FTO: variants seen among roughly 807,000 people sequenced by gnomAD.
FTO encodes alpha-ketoglutarate-dependent dioxygenase FTO.
A neutral mutation model predicts 63.9 loss-of-function variants in FTO; 47 were observed. The observed-to-expected ratio is 0.74, with a 90% CI of 0.58 to 0.94. The LOEUF (loss-of-function observed/expected upper bound fraction) is 0.94. Ranked by LOEUF, FTO falls within the 40% of genes least tolerant of loss-of-function variation. The pLI is 0.00. For missense variants in FTO, 562 were observed against 618.1 expected (o/e 0.91, Z 0.96); for synonymous variants, 207 against 224.4 (o/e 0.92, Z 0.69).
At chr16:53,864,112 G>A (rs112372930) in intron 4 of FTO, among the ~76,000 whole-genome samples, 4,624 of 152,196 alleles carry the variant, frequency 0.03, 255 homozygotes, top group African/African-American at 0.11. Flanking sequence ...TCAGCCATGG[G>A]TGGCCCACAT....
At chr16:53,767,783 T>G (rs2077246573) in intron 1 of FTO, among the ~76,000 whole-genome samples, 1 of 152,152 alleles carries the variant, frequency 6.6e-6, no homozygotes, top group African/African-American at 2.4e-5. Context: ...TTAATAACAA[T>G]CAAGGAATAT....
chr16:54,022,844 A>C (rs2084631744), intron 8 of FTO, among the ~76,000 whole-genome samples: 1 of 152,240 alleles, frequency 6.6e-6, no homozygotes, highest in African/African-American at 2.4e-5. Context: ...CAGTGTGTCC[A>C]ACATCAATCT....
chr16:53,760,813 G>C (rs558467446), intron 1 of FTO, among the ~76,000 whole-genome samples: 36 of 151,354 alleles, frequency 2.4e-4, no homozygotes, highest in Non-Finnish European at 4.4e-4. Flanking sequence ...TTTTAGTAGA[G>C]ACAGGGTTTC....
chr16:53,810,044 TA>T, intron 1 of FTO, 95 bp from the exon 2 acceptor site: 1 of 777,220 alleles, frequency 1.3e-6, no homozygotes, highest in Non-Finnish European at 2.2e-6. Context: ...CAAAGTTGGC[TA>T]AAATTTGTTT....
chr16:53,716,459 G>A (rs1174768849), intron 1 of FTO, among the ~76,000 whole-genome samples: 2 of 152,112 alleles, frequency 1.3e-5, no homozygotes, highest in East Asian at 3.9e-4. Context: ...CTGGCTGAGT[G>A]ATCTTGGGCA....
chr16:53,733,104 T>C (rs780584892), intron 1 of FTO, among the ~76,000 whole-genome samples: 10 of 152,168 alleles, frequency 6.6e-5, no homozygotes, highest in Non-Finnish European at 1.2e-4. Flanking sequence ...CTGACTTTTC[T>C]AAAGATGAAC....
intron 1 of FTO, among the ~76,000 whole-genome samples, chr16:53,720,354 ATGT>A (rs1417290119): frequency 6.6e-6 from 1 of 152,126 alleles, no homozygotes; most frequent in African/African-American, 2.4e-5. Flanking sequence ...TAACAATGTT[ATGT>A]AGATATAAAT....
chr16:53,710,636 A>G (rs1166657770), intron 1 of FTO, among the ~76,000 whole-genome samples: 4 of 152,192 alleles, frequency 2.6e-5, no homozygotes, highest in Non-Finnish European at 5.9e-5. Context: ...TATAATCCAC[A>G]TATGCCTCCT....
intron 8 of FTO, among the ~76,000 whole-genome samples, chr16:54,060,590 A>G (rs1442095099): frequency 6.6e-6 from 1 of 152,230 alleles, no homozygotes; most frequent in Non-Finnish European, 1.5e-5. Flanking sequence ...GCTCTTAAAC[A>G]CTATTCTATA....
At chr16:54,062,983 G>A (rs1172756534) in intron 8 of FTO, among the ~76,000 whole-genome samples, 2 of 152,186 alleles carry the variant, frequency 1.3e-5, no homozygotes, top group South Asian at 2.1e-4. Flanking sequence ...GCACACATGC[G>A]CCCCCGAGGG....
intron 8 of FTO, among the ~76,000 whole-genome samples, chr16:54,092,371 C>T (rs1176369249): frequency 2.6e-5 from 4 of 152,182 alleles, no homozygotes; most frequent in Non-Finnish European, 5.9e-5. Context: ...ATTCTAGTCT[C>T]CTGACTTTGA....
rs141887095 is a variant in FTO at position 53,711,109 on chromosome 16, T to C, written c.45+6880T>C. On this transcript the variant is annotated intron_variant, in intron 1 of 8. Transcript: ENST00000471389. ...GTTATCATCATCATTATCACCATCA[T>C]CACCACCACCTTCACTACTGCCTAT... 4.5e-4 allele frequency among the ~76,000 whole-genome samples: 68 copies of C among 152,234 alleles called. No homozygotes were observed. The East Asian group carries it at 8.7e-3, about 19-fold the overall frequency.
At chr16:54,027,415 G>A (rs559351838) in intron 8 of FTO, among the ~76,000 whole-genome samples, 1 of 152,224 alleles carries the variant, frequency 6.6e-6, no homozygotes, top group Admixed American at 6.5e-5. Flanking sequence ...TAAAACTTTA[G>A]CATACATCAC....
intron 8 of FTO, among the ~76,000 whole-genome samples, chr16:54,089,036 AG>A (rs1357588183): frequency 4.6e-5 from 7 of 152,176 alleles, no homozygotes; most frequent in African/African-American, 1.7e-4. Context: ...TTTTCCAGGA[AG>A]GTTTGAGGGC....
intron 8 of FTO, among the ~76,000 whole-genome samples, chr16:53,978,123 C>T (rs549986739): frequency 2.6e-5 from 4 of 152,244 alleles, no homozygotes; most frequent in Admixed American, 1.3e-4. Context: ...TTAGAGAAGA[C>T]ACTATTGTTT....
chr16:53,827,737 C>T (rs1338239461), intron 3 of FTO, among the ~76,000 whole-genome samples: 1 of 152,168 alleles, frequency 6.6e-6, no homozygotes, highest in African/African-American at 2.4e-5. Flanking sequence ...AATAATGATG[C>T]TGACCTAAGA....
Position 53,896,659 on chromosome 16 carries a change from G to A in FTO, c.1239+7708G>A, listed in dbSNP as rs187771961. On this transcript the variant is annotated intron_variant, in intron 7 of 8. Transcript: ENST00000471389. ...AAATATAAAACATACATAAATGCAA[G>A]GTATCACCAGTATTGATTTTAAAAG... Among the ~76,000 whole-genome samples, 494 of 152,212 alleles carry A rather than the reference G, an allele frequency of 3.2e-3. 3 individuals are homozygous for A. Among genetic ancestry groups the A allele is most frequent in the African/African-American group, 0.011 (472 of 41,540 alleles).
At chr16:54,097,594 G>A (rs1454760954) in intron 8 of FTO, among the ~76,000 whole-genome samples, 1 of 152,190 alleles carries the variant, frequency 6.6e-6, no homozygotes, top group African/African-American at 2.4e-5. Flanking sequence ...TCAGATGCAA[G>A]ATGCTTTCAA....
intron 1 of FTO, among the ~76,000 whole-genome samples, chr16:53,765,418 G>A (rs1378913201): frequency 1.3e-5 from 2 of 151,862 alleles, no homozygotes; most frequent in African/African-American, 4.8e-5. Context: ...AGCTGGGGGT[G>A]GTGGCAGGTG....
Sources: allele counts gnomAD v4.1 joint callset (sites outside exome capture counted in the v4.1 genomes callset), GRCh38; gene constraint gnomAD v4.1.1; transcripts MANE v1.5; gene names NCBI Gene and HGNC (gene_info 2026-07-23, HGNC 2026-07-21).